Variants in CDH18 observed in about 807,000 individuals in gnomAD.
The protein encoded by CDH18 is cadherin 18.
CDH18 carries 31 observed loss-of-function variants against 67.9 expected under a neutral mutation model. The ratio of observed to expected loss-of-function variants is 0.46; its 90% CI spans 0.34 to 0.62. The LOEUF is 0.62. CDH18 is among the 20% of genes least tolerant of loss of function. The pLI, the probability that CDH18 is intolerant of heterozygous loss-of-function variation, is 0.01. For missense variants in CDH18, 890 were observed against 975.5 expected (o/e 0.91, Z 1.17); for synonymous variants, 362 against 347.2 (o/e 1.04, Z -0.48).
intron 5 of CDH18, among the ~76,000 whole-genome samples, chr5:19,680,309 A>G (rs2150380891): frequency 6.6e-6 from 1 of 152,190 alleles, no homozygotes; most frequent in African/African-American, 2.4e-5. Context: ...TGTAAAACCT[A>G]AAACTTTAAA....
chr5:19,889,022 A>G (rs1788516280), intron 2 of CDH18, among the ~76,000 whole-genome samples: 1 of 152,112 alleles, frequency 6.6e-6, no homozygotes, highest in Non-Finnish European at 1.5e-5. Flanking sequence ...TTTGCACATA[A>G]TATATGCACA....
intron 2 of CDH18, among the ~76,000 whole-genome samples, chr5:20,082,903 C>A (rs1450269340): frequency 6.6e-6 from 1 of 152,148 alleles, no homozygotes; most frequent in African/African-American, 2.4e-5. Context: ...GAGGAATCAA[C>A]CCTGCCAGCA....
chr5:20,506,575 T>G (rs914713494), intron 1 of CDH18, among the ~76,000 whole-genome samples: 1 of 152,162 alleles, frequency 6.6e-6, no homozygotes, highest in Non-Finnish European at 1.5e-5. Flanking sequence ...AGCCTCCAGA[T>G]GAGAATCCAG....
intron 2 of CDH18, among the ~76,000 whole-genome samples, chr5:19,980,210 CA>C (rs1157944579): frequency 9.1e-6 from 1 of 109,646 alleles, no homozygotes; most frequent in Non-Finnish European, 2.3e-5. Flanking sequence ...TTTACAACAG[CA>C]AAAAACAAAA....
intron 2 of CDH18, among the ~76,000 whole-genome samples, chr5:20,168,848 A>G (rs1224813696): frequency 2.0e-5 from 3 of 152,182 alleles, no homozygotes; most frequent in East Asian, 1.9e-4. Context: ...AGCAACATAG[A>G]TGAAGCTGGA....
intron 1 of CDH18, among the ~76,000 whole-genome samples, chr5:20,536,432 T>C (rs888896931): frequency 4.6e-5 from 7 of 152,180 alleles, no homozygotes; most frequent in Non-Finnish European, 8.8e-5. Context: ...AAGCCATTAC[T>C]GTTTGAAGTA....
intron 1 of CDH18, among the ~76,000 whole-genome samples, chr5:20,342,094 G>A (rs1234916145): frequency 1.3e-5 from 2 of 152,024 alleles, no homozygotes; most frequent in Non-Finnish European, 2.9e-5. Context: ...CTGAAATTAC[G>A]GAAAAACAAA....
At chr5:19,613,443 T>C (rs1234800038) in intron 5 of CDH18, among the ~76,000 whole-genome samples, 1 of 152,176 alleles carries the variant, frequency 6.6e-6, no homozygotes, top group African/African-American at 2.4e-5. Context: ...ACTATTTTTG[T>C]TAGAAAACAA....
rs142097088 is a variant in CDH18 at position 19,474,462 on chromosome 5, T to G, written c.1883-746A>C. Among the ~76,000 whole-genome samples, 435 of 152,208 alleles carry G rather than the reference T, an allele frequency of 2.9e-3. 3 individuals are homozygous for G. Among genetic ancestry groups the G allele is most frequent in the African/African-American group, 9.7e-3 (403 of 41,542 alleles). ...CATTTATGCCTGAGGTTGCAATTTTTTGTGTGTGAAAAATCAGACTTTGGC... is the reference window on the plus strand; with the variant it reads ...CATTTATGCCTGAGGTTGCAATTTTGTGTGTGTGAAAAATCAGACTTTGGC... On this transcript the variant is annotated intron_variant, in intron 12 of 12. Transcript: ENST00000382275.
chr5:20,290,721 A>G (rs1326074059), intron 1 of CDH18, among the ~76,000 whole-genome samples: 1 of 152,222 alleles, frequency 6.6e-6, no homozygotes, highest in Non-Finnish European at 1.5e-5. Context: ...TGACAGCATG[A>G]GGAAGCATGG....
intron 7 of CDH18, among the ~76,000 whole-genome samples, chr5:19,586,970 T>G (rs1744256534): frequency 6.6e-6 from 1 of 152,154 alleles, no homozygotes; most frequent in South Asian, 2.1e-4. Context: ...GATGTTGAGC[T>G]TTTTTTCATA....
At chr5:19,639,049 C>T (rs527444997) in intron 5 of CDH18, among the ~76,000 whole-genome samples, 2 of 137,732 alleles carry the variant, frequency 1.5e-5, no homozygotes, top group East Asian at 4.5e-4. Flanking sequence ...GTCTCCCAGG[C>T]TGGAGTGCAG....
chr5:19,675,972 C>A (rs895998052), intron 5 of CDH18, among the ~76,000 whole-genome samples: 2 of 151,158 alleles, frequency 1.3e-5, no homozygotes, highest in Non-Finnish European at 2.9e-5. Flanking sequence ...TGACTTCCTG[C>A]AACAATCATT....
intron 4 of CDH18, among the ~76,000 whole-genome samples, chr5:19,745,052 A>T (rs902935782): frequency 6.6e-6 from 1 of 152,168 alleles, no homozygotes; most frequent in South Asian, 2.1e-4. Context: ...TGTTATTCAC[A>T]TGATAGGTCT....
chr5:19,508,004 A>G (rs961902639), intron 10 of CDH18, among the ~76,000 whole-genome samples: 17 of 152,030 alleles, frequency 1.1e-4, no homozygotes, highest in African/African-American at 3.9e-4. Context: ...TTGAACTCTT[A>G]CAGAGTTGTT....
At chr5:20,460,362 C>T (rs1019194440) in intron 1 of CDH18, among the ~76,000 whole-genome samples, 8 of 151,188 alleles carry the variant, frequency 5.3e-5, no homozygotes, top group Admixed American at 1.3e-4. Flanking sequence ...ACTGCACTCC[C>T]GCCTGGTTGA....
intron 1 of CDH18, among the ~76,000 whole-genome samples, chr5:20,291,129 T>A (rs1015790037): frequency 6.6e-6 from 1 of 152,172 alleles, no homozygotes. Context: ...ATAAGGTATA[T>A]TCTTGAGTGA....
intron 2 of CDH18, among the ~76,000 whole-genome samples, chr5:20,212,766 G>C (rs989081023): frequency 1.3e-5 from 2 of 151,828 alleles, no homozygotes; most frequent in Non-Finnish European, 2.9e-5. Flanking sequence ...TATCTTTTGA[G>C]TCTTCCACAA....
intron 3 of CDH18, among the ~76,000 whole-genome samples, chr5:19,832,332 A>G (rs1022528276): frequency 6.6e-6 from 1 of 152,146 alleles, no homozygotes; most frequent in Non-Finnish European, 1.5e-5. Flanking sequence ...AAAAATTTCA[A>G]TCGAGTTCAA....
Sources: allele counts gnomAD v4.1 joint callset (sites outside exome capture counted in the v4.1 genomes callset), GRCh38; gene constraint gnomAD v4.1.1; transcripts MANE v1.5; gene names NCBI Gene and HGNC (gene_info 2026-07-23, HGNC 2026-07-21).